TMPRSS15: variants seen among roughly 807,000 people sequenced by gnomAD.
The protein encoded by TMPRSS15 is enteropeptidase.
TMPRSS15 carries 128 observed loss-of-function variants against 125.3 expected under a neutral mutation model. That is an observed-to-expected ratio of 1.02 (90% CI 0.89 to 1.18). The LOEUF is 1.18. Among genes scored for constraint, TMPRSS15 ranks in the 50% most tolerant of loss-of-function variants. The pLI, the probability that TMPRSS15 is intolerant of heterozygous loss-of-function variation, is 0.00. For synonymous variants in TMPRSS15, 446 were observed against 423.2 expected (o/e 1.05, Z -0.66); for missense variants, 1,283 against 1,212.7 (o/e 1.06, Z -0.86).
intron 15 of TMPRSS15, among the ~76,000 whole-genome samples, chr21:18,328,078 A>G (rs995322782): frequency 2.0e-5 from 3 of 152,066 alleles, no homozygotes; most frequent in African/African-American, 7.2e-5. Context: ...AGCAAAAAAT[A>G]GTGGTAGTTA....
intron 16 of TMPRSS15, among the ~76,000 whole-genome samples, chr21:18,317,400 T>C (rs1230308113): frequency 6.9e-5 from 10 of 144,166 alleles, no homozygotes; most frequent in Admixed American, 6.9e-4. Context: ...TTAGAGTATT[T>C]TTCTAAAAAA....
intron 1 of TMPRSS15, among the ~76,000 whole-genome samples, chr21:18,468,680 A>G (rs1978716651): frequency 6.6e-6 from 1 of 152,204 alleles, no homozygotes; most frequent in Non-Finnish European, 1.5e-5. Flanking sequence ...ATACAAGAAA[A>G]GCTTCAAAGG....
intron 5 of TMPRSS15, among the ~76,000 whole-genome samples, chr21:18,376,155 A>G (rs1298722095): frequency 1.3e-5 from 2 of 151,950 alleles, no homozygotes; most frequent in Non-Finnish European, 2.9e-5. Flanking sequence ...TGGAAAATAG[A>G]TATCACCTTA....
chr21:18,374,160 G>A (rs2075817808), intron 5 of TMPRSS15, among the ~76,000 whole-genome samples: 1 of 152,166 alleles, frequency 6.6e-6, no homozygotes, highest in Non-Finnish European at 1.5e-5. Flanking sequence ...GATATGGAAT[G>A]TATTTAGTGA....
At chr21:18,288,783 G>A (rs183621312) in intron 21 of TMPRSS15, among the ~76,000 whole-genome samples, 6 of 151,238 alleles carry the variant, frequency 4.0e-5, no homozygotes, top group African/African-American at 1.2e-4. Context: ...GCTCAGGCCC[G>A]CCTCGGCCTC....
rs539156057 is a variant in TMPRSS15 at position 18,304,405 on chromosome 21, C to T, written c.2166-6576G>A. Among the ~76,000 whole-genome samples the T allele has an allele frequency of 1.4e-4, 22 of 152,262 alleles. No homozygotes were observed. In the South Asian group the frequency reaches 4.1e-3, roughly 29 times the overall value. ...ATCGTGCGTGTCTTGACTACTCTGTCAGAATGACCTCGGCCTTTTAAAGAA... is the reference window on the plus strand; with the variant it reads ...ATCGTGCGTGTCTTGACTACTCTGTTAGAATGACCTCGGCCTTTTAAAGAA... On this transcript the variant is annotated intron_variant, in intron 18 of 24. Coordinates refer to ENST00000284885, the MANE Select transcript of TMPRSS15 (RefSeq NM_002772.3).
chr21:18,397,925 T>C lies in TMPRSS15; in HGVS notation c.298A>G (p.Ser100Gly), dbSNP rs2076054766. ...QQMIDEIFLS[S>G]NLKNEYKNSR... is the part of the protein sequence containing the mutation. ...TTCTTATATTCATTCTTCAGATTGC[T>C]TGATAGAAAGATCTCATCTATCTAG... The change falls in exon 3 of 25, where the codon AGC (serine) becomes GGC (glycine). Residue 100 changes from serine (S) to glycine (G), a missense_variant. By Grantham distance (56) the Ser-to-Gly change is moderately conservative. Transcript: ENST00000284885. 14 of 1,544,500 alleles carry C rather than the reference T, an allele frequency of 9.1e-6. No individual in the cohort carries two copies. Among genetic ancestry groups the C allele is most frequent in the Non-Finnish European group, 1.2e-5 (13 of 1,126,448 alleles).
At chr21:18,299,609 T>C (rs1369214482) in intron 18 of TMPRSS15, among the ~76,000 whole-genome samples, 2 of 152,240 alleles carry the variant, frequency 1.3e-5, no homozygotes, top group East Asian at 1.9e-4. Context: ...GCCTGTCTTC[T>C]AGACATCTCT....
At chr21:18,290,505 T>C (rs2074821136) in intron 21 of TMPRSS15, among the ~76,000 whole-genome samples, 2 of 151,656 alleles carry the variant, frequency 1.3e-5, no homozygotes, top group South Asian at 4.2e-4. Flanking sequence ...TTGAGGGTTT[T>C]TTTTTTTCAA....
intron 5 of TMPRSS15, among the ~76,000 whole-genome samples, chr21:18,377,903 C>G (rs1444556121): frequency 2.0e-5 from 3 of 152,100 alleles, no homozygotes; most frequent in Admixed American, 6.6e-5. Context: ...ATTCTTTATA[C>G]TTTTAACAGG....
chr21:18,460,365 G>A (rs1978529123), intron 1 of TMPRSS15, among the ~76,000 whole-genome samples: 1 of 121,836 alleles, frequency 8.2e-6, no homozygotes, highest in African/African-American at 5.9e-5. Flanking sequence ...TTTCTTTCTC[G>A]AGTGGAACAC....
intron 8 of TMPRSS15, among the ~76,000 whole-genome samples, chr21:18,355,340 TG>T (rs1365346792): frequency 6.6e-6 from 1 of 151,792 alleles, no homozygotes; most frequent in Non-Finnish European, 1.5e-5. Flanking sequence ...GATTTCATAG[TG>T]TGTTGGATTC....
At chr21:18,359,632 T>C in intron 8 of TMPRSS15, 125 bp downstream of exon 8, 1 of 533,638 alleles carries the variant, frequency 1.9e-6, no homozygotes, top group Non-Finnish European at 3.4e-6. Context: ...AGCAATTGTT[T>C]TTTTTTTAGT....
At position 18,352,895 on chromosome 21, in the gene TMPRSS15, A is replaced by C. The variant is rs375053347; in HGVS notation, c.1171+8T>G. ...ATCCTTTTGACTTCTGAATTAAATG[A>C]ATTATACCTGAAGCATTGCCAAAAG... On this transcript the variant is annotated splice_region_variant and intron_variant, in intron 10 of 24. Transcript: ENST00000284885. The C allele has an allele frequency of 6.2e-7, 1 of 1,611,788 alleles. No individual in the cohort carries two copies. Among genetic ancestry groups the C allele is most frequent in the Admixed American group, 1.7e-5 (1 of 59,924 alleles).
intron 3 of TMPRSS15, among the ~76,000 whole-genome samples, chr21:18,389,183 A>AGAAG (rs930978121): frequency 2.0e-5 from 3 of 151,584 alleles, no homozygotes; most frequent in African/African-American, 4.8e-5. Context: ...AAGAAAGGAA[A>AGAAG]GAAGGAAGGA....
At chr21:18,329,521 G>A (rs532667876) in intron 14 of TMPRSS15, among the ~76,000 whole-genome samples, 1 of 149,250 alleles carries the variant, frequency 6.7e-6, no homozygotes, top group Admixed American at 6.7e-5. Context: ...AATTAAATTT[G>A]AAATTAGTAT....
At chr21:18,476,845 C>T (rs1443831193) in intron 1 of TMPRSS15, among the ~76,000 whole-genome samples, 1 of 151,740 alleles carries the variant, frequency 6.6e-6, no homozygotes, top group African/African-American at 2.4e-5. Context: ...CATTAATTTG[C>T]AGAAGTCAGT....
At chr21:18,336,621 C>G (rs1457941834) in intron 13 of TMPRSS15, among the ~76,000 whole-genome samples, 1 of 152,110 alleles carries the variant, frequency 6.6e-6, no homozygotes, top group East Asian at 1.9e-4. Flanking sequence ...AATAAAAATC[C>G]AGACAATGAG....
At chr21:18,342,686 G>A (rs889083113) in intron 12 of TMPRSS15, among the ~76,000 whole-genome samples, 45 of 151,978 alleles carry the variant, frequency 3.0e-4, no homozygotes, top group Admixed American at 2.0e-4. Context: ...GAGAGGAAAC[G>A]TCCCATAAAA....
Sources: allele counts gnomAD v4.1 joint callset (sites outside exome capture counted in the v4.1 genomes callset), GRCh38; gene constraint gnomAD v4.1.1; transcripts MANE v1.5; gene names NCBI Gene and HGNC (gene_info 2026-07-23, HGNC 2026-07-21).